The following LINGO2 variants were observed in gnomAD, a reference collection of about 807,000 sequenced individuals.
LINGO2 encodes leucine-rich repeat and immunoglobulin-like domain-containing nogo receptor-interacting protein 2.
LINGO2 carries 14 observed loss-of-function variants against 30.6 expected under a neutral mutation model. The observed-to-expected ratio is 0.46, with a 90% CI of 0.30 to 0.72. The LOEUF is 0.72. Ranked by LOEUF, LINGO2 falls within the 30% of genes least tolerant of loss-of-function variation. The pLI is 0.07. For missense variants in LINGO2, 729 were observed against 751.7 expected, an observed-to-expected ratio of 0.97 and a Z score of 0.35; for synonymous variants, 317 against 288.5, an observed-to-expected ratio of 1.10 and a Z score of -1.00.
the LINGO2 span, among the ~76,000 whole-genome samples, chr9:29,026,322 C>G: frequency 1.3e-5 from 2 of 152,092 alleles, no homozygotes; most frequent in Non-Finnish European, 2.9e-5. Flanking sequence ...TGTAATTTGA[C>G]CATGATGAGT....
At chr9:28,926,517 AG>A in the LINGO2 span, among the ~76,000 whole-genome samples, 17,371 of 152,184 alleles carry the variant, frequency 0.11, 999 homozygotes, top group South Asian at 0.16. Flanking sequence ...AGCAGAAATG[AG>A]GAAGCCTGGT....
chr9:28,758,327 T>A, the LINGO2 span, among the ~76,000 whole-genome samples: 46 of 152,172 alleles, frequency 3.0e-4, no homozygotes, highest in African/African-American at 1.0e-3. Context: ...ATTGCCACAG[T>A]CAAAGCAGAA....
At chr9:29,098,376 T>TA in the LINGO2 span, among the ~76,000 whole-genome samples, 1 of 152,048 alleles carries the variant, frequency 6.6e-6, no homozygotes, top group South Asian at 2.1e-4. Context: ...AAAAGGCATA[T>TA]AACTAGGCAA....
intron 2 of LINGO2, among the ~76,000 whole-genome samples, chr9:28,450,918 G>A (rs571547691): frequency 1.3e-5 from 2 of 152,004 alleles, no homozygotes; most frequent in African/African-American, 4.8e-5. Flanking sequence ...TCTCCTCATT[G>A]ATTTTATCAC....
At chr9:29,069,180 C>T in the LINGO2 span, among the ~76,000 whole-genome samples, 4 of 151,788 alleles carry the variant, frequency 2.6e-5, no homozygotes, top group Non-Finnish European at 5.9e-5. Flanking sequence ...TACTTACATC[C>T]AAAACAGGTT....
chr9:28,047,576 A>G (rs1824482524), intron 4 of LINGO2, among the ~76,000 whole-genome samples: 1 of 150,850 alleles, frequency 6.6e-6, no homozygotes, highest in South Asian at 2.1e-4. Flanking sequence ...TTTAACAACC[A>G]TGTGGCCCTA....
Position 27,981,534 on chromosome 9 carries a change from C to CAAAAAAAAAAAA in LINGO2, c.-36+30809_-36+30820dup, listed in dbSNP as rs763284293. ...ATGAAAGGATAAATGACGAGGATGG[C>CAAAAAAAAAAAA]AAAAAAAAAAAAAAAAGAAAAAAAA... On this transcript the variant is annotated intron_variant, in intron 5 of 5. Coordinates refer to ENST00000379992, the Ensembl canonical transcript of LINGO2. Among the ~76,000 whole-genome samples the CAAAAAAAAAAAA allele has an allele frequency of 4.4e-3, 173 of 39,770 alleles. 2 individuals carry two copies. The highest frequency in any genetic ancestry group is 4.7e-3 in the Non-Finnish European group (87 of 18,672). The allele number at this position is 39,770 out of a possible 152,430, so 26.1% of individuals were successfully genotyped here.
chr9:28,639,950 G>A (rs1827489901), intron 1 of LINGO2, among the ~76,000 whole-genome samples: 1 of 152,102 alleles, frequency 6.6e-6, no homozygotes, highest in African/African-American at 2.4e-5. Context: ...TTTTTGCAGT[G>A]GCTGGTACCG....
At chr9:27,979,767 ACTT>A (rs1045175536) in intron 5 of LINGO2, among the ~76,000 whole-genome samples, 2 of 151,990 alleles carry the variant, frequency 1.3e-5, no homozygotes, top group Non-Finnish European at 2.9e-5. Context: ...AAAAGGAAAG[ACTT>A]CTTATTACTA....
chr9:27,984,288 A>G (rs772788812), intron 5 of LINGO2, among the ~76,000 whole-genome samples: 2 of 151,872 alleles, frequency 1.3e-5, no homozygotes, highest in Non-Finnish European at 2.9e-5. Flanking sequence ...TCATCTTCTT[A>G]GCAGTGGAAG....
the LINGO2 span, among the ~76,000 whole-genome samples, chr9:28,993,769 A>G: frequency 2.0e-5 from 3 of 151,090 alleles, no homozygotes; most frequent in African/African-American, 7.3e-5. Context: ...CAAAAACCAC[A>G]TGATTTATCT....
At chr9:28,089,732 A>T (rs1330682025) in intron 4 of LINGO2, among the ~76,000 whole-genome samples, 1 of 152,132 alleles carries the variant, frequency 6.6e-6, no homozygotes, top group Non-Finnish European at 1.5e-5. Context: ...AACTGAAGGA[A>T]ATAGAGACAC....
At chr9:28,894,546 T>G in the LINGO2 span, among the ~76,000 whole-genome samples, 2 of 152,078 alleles carry the variant, frequency 1.3e-5, no homozygotes, top group Admixed American at 1.3e-4. Flanking sequence ...TATTTTCTTC[T>G]TTTTTAGTTT....
intron 1 of LINGO2, among the ~76,000 whole-genome samples, chr9:28,500,960 C>G (rs989222231): frequency 1.3e-5 from 2 of 152,062 alleles, no homozygotes; most frequent in Admixed American, 1.3e-4. Flanking sequence ...AGTACAATGT[C>G]TTCAAAAACC....
chr9:28,896,790 A>G, the LINGO2 span, among the ~76,000 whole-genome samples: 2 of 152,098 alleles, frequency 1.3e-5, no homozygotes, highest in African/African-American at 4.8e-5. Context: ...ATACATAATA[A>G]TTTAGGGATT....
the LINGO2 span, among the ~76,000 whole-genome samples, chr9:28,919,985 T>C: frequency 6.6e-6 from 1 of 152,132 alleles, no homozygotes; most frequent in Non-Finnish European, 1.5e-5. Context: ...TACTACGACA[T>C]CACAAATTGT....
chr9:28,255,494 T>C (rs923771215), intron 4 of LINGO2, among the ~76,000 whole-genome samples: 6 of 152,112 alleles, frequency 3.9e-5, no homozygotes, highest in Non-Finnish European at 8.8e-5. Flanking sequence ...TTCTATAAAG[T>C]AGGGATACTG....
chr9:28,797,349 T>TAGAGAG, the LINGO2 span, among the ~76,000 whole-genome samples: 135 of 64,464 alleles, frequency 2.1e-3, no homozygotes, highest in Non-Finnish European at 2.4e-3. Flanking sequence ...TATATATATA[T>TAGAGAG]ATATATATAT....
At chr9:28,692,377 A>G in the LINGO2 span, among the ~76,000 whole-genome samples, 1 of 152,140 alleles carries the variant, frequency 6.6e-6, no homozygotes, top group East Asian at 1.9e-4. Flanking sequence ...CAGGAGGCTG[A>G]GGCAGGAGAG....
Sources: gnomAD v4.1 joint callset for allele counts (sites outside exome capture counted in the v4.1 genomes callset) on GRCh38, gnomAD v4.1.1 for gene constraint, MANE v1.5 for transcripts, NCBI Gene and HGNC (gene_info 2026-07-23, HGNC 2026-07-21) for gene names.